ARHGAP39: variants seen among roughly 807,000 people sequenced by gnomAD.
The protein encoded by ARHGAP39 is Rho GTPase activating protein 39.
Under a neutral mutation model 106.9 loss-of-function variants are expected in ARHGAP39, and 44 were observed. That is an observed-to-expected ratio of 0.41 (90% CI 0.32 to 0.53). The LOEUF (loss-of-function observed/expected upper bound fraction) is 0.53. ARHGAP39 is among the 20% of genes least tolerant of loss of function. The pLI is 0.21. For synonymous variants in ARHGAP39, 768 were observed against 693.2 expected (o/e 1.11, Z -1.69); for missense variants, 1,496 against 1,577.3 (o/e 0.95, Z 0.87).
At chr8:144,630,241 C>T (rs933815034) in intron 1 of ARHGAP39, among the ~76,000 whole-genome samples, 3 of 152,200 alleles carry the variant, frequency 2.0e-5, no homozygotes, top group East Asian at 1.9e-4. Flanking sequence ...CTCATGTGCT[C>T]GCCCAGGCAC....
At chr8:144,546,733 G>A (rs116445634) in intron 5 of ARHGAP39, among the ~76,000 whole-genome samples, 1,591 of 152,236 alleles carry the variant, frequency 0.01, 32 homozygotes, top group African/African-American at 0.036. Context: ...CTGGCTTTGA[G>A]AACCACCAGG....
intron 1 of ARHGAP39, among the ~76,000 whole-genome samples, chr8:144,653,216 G>A (rs1821616188): frequency 6.6e-6 from 1 of 152,142 alleles, no homozygotes; most frequent in Non-Finnish European, 1.5e-5. Flanking sequence ...ATCCACAATC[G>A]CTTGAACCCG....
At chr8:144,668,523 A>C (rs1822019116) in intron 1 of ARHGAP39, among the ~76,000 whole-genome samples, 1 of 152,206 alleles carries the variant, frequency 6.6e-6, no homozygotes. Flanking sequence ...GGCAATGAAA[A>C]ACTCTGAAAA....
chr8:144,637,573 G>A (rs1201198742), intron 1 of ARHGAP39, among the ~76,000 whole-genome samples: 1 of 152,192 alleles, frequency 6.6e-6, no homozygotes, highest in Non-Finnish European at 1.5e-5. Context: ...TCACGCCACT[G>A]CACTTCAGCC....
chr8:144,627,284 G>T (rs2976597), intron 1 of ARHGAP39, among the ~76,000 whole-genome samples: 1 of 152,070 alleles, frequency 6.6e-6, no homozygotes, highest in Admixed American at 6.5e-5. Context: ...GGCCGGGCGC[G>T]GTGGCTCATG....
the ARHGAP39 span, chr8:144,699,171 C>T: frequency 9.1e-6 from 2 of 219,258 alleles, no homozygotes; most frequent in Non-Finnish European, 1.8e-5. Flanking sequence ...CAGTGAGGGG[C>T]GCTGTGAGGC....
chr8:144,537,621 C>G (rs969740923), intron 7 of ARHGAP39, 100 bp downstream of exon 7: 1 of 986,936 alleles, frequency 1.0e-6, no homozygotes, highest in Non-Finnish European at 1.5e-6. Context: ...CCCCATCCCC[C>G]CCGCCCAGAA....
intron 2 of ARHGAP39, among the ~76,000 whole-genome samples, chr8:144,603,687 C>CAAAAA (rs922284218): frequency 2.6e-5 from 2 of 77,702 alleles, no homozygotes; most frequent in Admixed American, 1.5e-4. Context: ...GAGACTCCAT[C>CAAAAA]AAAAAAAAAA....
chr8:144,551,908 T>C (rs1169999038), intron 4 of ARHGAP39, among the ~76,000 whole-genome samples: 1 of 152,142 alleles, frequency 6.6e-6, no homozygotes, highest in Non-Finnish European at 1.5e-5. Context: ...CGAGCCCAGC[T>C]CGTTCCCATC....
intron 2 of ARHGAP39, among the ~76,000 whole-genome samples, chr8:144,600,345 TG>T (rs1819815270): frequency 2.0e-5 from 3 of 150,688 alleles, no homozygotes; most frequent in Middle Eastern, 3.5e-3. Flanking sequence ...TGAGTGTGCA[TG>T]TGCGTGGAGG....
chr8:144,622,835 G>A (rs1478270474), intron 1 of ARHGAP39, among the ~76,000 whole-genome samples: 2 of 152,256 alleles, frequency 1.3e-5, no homozygotes, highest in Non-Finnish European at 2.9e-5. Context: ...GCCTGCGCCC[G>A]CTCCTTTCAC....
In ARHGAP39 at chr8:144,530,614, G is replaced by C. The variant is rs1377914198; in HGVS notation, c.3153C>G (p.Val1051=). The C allele has an allele frequency of 6.3e-7, 1 of 1,590,364 alleles. No individual in the cohort carries two copies. Among genetic ancestry groups the C allele is most frequent in the East Asian group, 2.3e-5 (1 of 43,136 alleles). The part of the protein sequence containing the change: ...VLCYLIRFLQ[V]FVQPANVAVT... ...CCGCGACGTTGGCCGGCTGCACGAA[G>C]ACCTGGTGGAGGAGCGAGGGTGGGC... Residue 1051 remains valine, a splice_region_variant and synonymous_variant, in exon 12 of 12, where the codon GTC becomes GTG. Transcript: ENST00000377307.
Position 144,548,873 on chromosome 8 carries a change from C to T in ARHGAP39, c.597-384G>A, listed in dbSNP as rs1236627194. 1.3e-5 allele frequency among the ~76,000 whole-genome samples: 2 copies of T among 152,328 alleles called. No homozygotes were observed. Among genetic ancestry groups the T allele is most frequent in the African/African-American group, 4.8e-5 (2 of 41,570 alleles). On this transcript the variant is annotated intron_variant, in intron 4 of 11. Transcript: ENST00000377307. The surrounding 1 kb of genome is among the most constrained non-coding windows in gnomAD (Gnocchi z 7.4). Reference sequence around the variant, plus strand: ...GCCCTGTGTTCCTGCTGAGCAGTGGCGTTGGACCCGTCCCAGTGGTCCAGG... The same window carrying T: ...GCCCTGTGTTCCTGCTGAGCAGTGGTGTTGGACCCGTCCCAGTGGTCCAGG...
In ARHGAP39 at chr8:144,674,786, C is replaced by T. The variant is rs1022784297; in HGVS notation, c.-82+10900G>A. 7.9e-5 allele frequency among the ~76,000 whole-genome samples: 12 copies of T among 152,324 alleles called. No homozygotes were observed. The Middle Eastern group carries it at 0.01, about 130-fold the overall frequency. On this transcript the variant is annotated intron_variant, in intron 1 of 11. Coordinates refer to ENST00000377307, the MANE Select transcript of ARHGAP39 (RefSeq NM_025251.3). ...TGCTCGCTCGTCGGCACCCAAAGTC[C>T]GAAGGCGGCCGAGAAGGCAGGGGGC...
chr8:144,615,985 C>T (rs940728162), intron 1 of ARHGAP39, among the ~76,000 whole-genome samples: 1 of 152,210 alleles, frequency 6.6e-6, no homozygotes, highest in Non-Finnish European at 1.5e-5. Context: ...CTTGGGAGGT[C>T]AGGGCCGGCT....
intron 4 of ARHGAP39, among the ~76,000 whole-genome samples, chr8:144,549,037 G>T (rs1817595232): frequency 6.6e-6 from 1 of 152,214 alleles, no homozygotes; most frequent in African/African-American, 2.4e-5. Context: ...ACAGCTGCAG[G>T]TGTCCCACTA....
chr8:144,694,914 C>T, the ARHGAP39 span, among the ~76,000 whole-genome samples: 1 of 151,942 alleles, frequency 6.6e-6, no homozygotes, highest in South Asian at 2.1e-4. Context: ...CGATCAGCAC[C>T]AAGTGCTATT....
In ARHGAP39 at chr8:144,650,487, A is replaced by G. The variant is rs553303960; in HGVS notation, c.-82+35199T>C. 3.9e-5 allele frequency among the ~76,000 whole-genome samples: 6 copies of G among 152,280 alleles called. No homozygotes were observed. In the East Asian group the frequency reaches 1.2e-3, roughly 29 times the overall value. On this transcript the variant is annotated intron_variant, in intron 1 of 11. Transcript: ENST00000377307. ...ATTCAGGCCAACATCCTTGATGCAC[A>G]TTGATGCAAAAATCCTCAAAAAAAT...
chr8:144,547,918 CG>C lies in ARHGAP39; in HGVS notation c.1167del (p.Ala390ProfsTer47). The stretch of plus-strand genomic sequence containing the variant: ...AGCTGCCGCACGTACTCCTTGCCGG[CG>C]GGACTGTACTCCAGGCTCAGGAAGC... Reference protein sequence around the residue: ...PERFLSLEYSPAGKEYVRQLV... With the variant: ...PERFLSLEYSXAGKEYVRQLV... On this transcript the variant is annotated frameshift_variant, in exon 5 of 12. Transcript: ENST00000377307. LOFTEE classifies it high-confidence loss of function. The surrounding 1 kb of genome is among the most constrained non-coding windows in gnomAD (Gnocchi z 5.2). 6.3e-7 allele frequency: 1 copy of C among 1,585,146 alleles called. No individual in the cohort carries two copies. Among genetic ancestry groups the C allele is most frequent in the Non-Finnish European group, 8.6e-7 (1 of 1,166,214 alleles).
Sources: allele counts gnomAD v4.1 joint callset (sites outside exome capture counted in the v4.1 genomes callset), GRCh38; gene constraint gnomAD v4.1.1; non-coding constraint Gnocchi (gnomAD v3.1); transcripts MANE v1.5; gene names NCBI Gene and HGNC (gene_info 2026-07-23, HGNC 2026-07-21).